Variants in MAP3K1 observed in about 807,000 individuals in gnomAD.
MAP3K1 encodes the protein mitogen-activated protein kinase kinase kinase 1, also known as MAP/ERK kinase kinase 1.
MAP3K1 carries 36 observed loss-of-function variants against 144.2 expected under a neutral mutation model. The observed-to-expected ratio is 0.25, with a 90% CI of 0.19 to 0.33. The LOEUF (loss-of-function observed/expected upper bound fraction) is 0.33, where lower values mean the gene tolerates loss of function less well. Among genes scored for constraint, MAP3K1 ranks in the 10% least tolerant of loss-of-function variants. The pLI is 1.00. For synonymous variants in MAP3K1, 718 were observed against 688.7 expected (o/e 1.04, Z -0.67); for missense variants, 1,650 against 1,881.9 (o/e 0.88, Z 2.28).
intron 10 of MAP3K1, among the ~76,000 whole-genome samples, chr5:56,878,413 C>T (rs943549698): frequency 1.2e-4 from 19 of 152,048 alleles, no homozygotes; most frequent in Admixed American, 1.1e-3. Context: ...AACAAACCTG[C>T]ACGTTCTGCA....
At chr5:56,848,933 CTTT>C (rs1747080968) in intron 1 of MAP3K1, among the ~76,000 whole-genome samples, 1 of 152,178 alleles carries the variant, frequency 6.6e-6, no homozygotes, top group Non-Finnish European at 1.5e-5. Flanking sequence ...AGAACATGAG[CTTT>C]TTGAGGGTGA....
At chr5:56,822,894 C>T (rs944609596) in intron 1 of MAP3K1, among the ~76,000 whole-genome samples, 4 of 152,192 alleles carry the variant, frequency 2.6e-5, no homozygotes, top group Non-Finnish European at 5.9e-5. Flanking sequence ...CCTCTCACCT[C>T]GTCAGATTCA....
At chr5:56,866,153 C>T (rs1747665138) in intron 6 of MAP3K1, among the ~76,000 whole-genome samples, 176 bp downstream of exon 6, 1 of 152,162 alleles carries the variant, frequency 6.6e-6, no homozygotes, top group South Asian at 2.1e-4. Flanking sequence ...TGGCTCGTGC[C>T]TGTAATCCCA....
intron 2 of MAP3K1, among the ~76,000 whole-genome samples, chr5:56,858,072 A>G (rs73135064): frequency 9.8e-5 from 15 of 152,338 alleles, no homozygotes; most frequent in African/African-American, 3.6e-4. Flanking sequence ...TGAAGAAATT[A>G]AGGATTTATC....
chr5:56,866,057 A>T, intron 6 of MAP3K1, 80 bp downstream of exon 6: 4 of 1,119,004 alleles, frequency 3.6e-6, no homozygotes, highest in Non-Finnish European at 5.4e-6. Flanking sequence ...TCTACTTGTT[A>T]AGTTGCTCTA....
intron 1 of MAP3K1, among the ~76,000 whole-genome samples, chr5:56,845,050 C>G (rs183950272): frequency 1.4e-4 from 21 of 152,310 alleles, no homozygotes; most frequent in Admixed American, 5.2e-4. Flanking sequence ...CCCTCTTCTC[C>G]TTTAATCTCA....
At chr5:56,876,687 A>T (rs1748043946) in intron 10 of MAP3K1, among the ~76,000 whole-genome samples, 1 of 152,330 alleles carries the variant, frequency 6.6e-6, no homozygotes, top group Admixed American at 6.5e-5. Context: ...AAGGTTACTT[A>T]ACCTCTCTTA....
intron 2 of MAP3K1, among the ~76,000 whole-genome samples, chr5:56,858,472 G>T (rs1315516857): frequency 6.6e-6 from 1 of 152,186 alleles, no homozygotes; most frequent in Non-Finnish European, 1.5e-5. Flanking sequence ...TAGTCCTTAA[G>T]CTTAATTATG....
At chr5:56,843,807 T>C (rs1746892419) in intron 1 of MAP3K1, among the ~76,000 whole-genome samples, 1 of 152,238 alleles carries the variant, frequency 6.6e-6, no homozygotes, top group South Asian at 2.1e-4. Context: ...ACAGACATGC[T>C]AAATTTTGTG....
At chr5:56,859,979 A>C (rs1747457979) in intron 3 of MAP3K1, 64 bp downstream of exon 3, 1 of 1,333,910 alleles carries the variant, frequency 7.5e-7, no homozygotes, top group South Asian at 1.3e-5. Context: ...ATAACAAAGA[A>C]AAGACTGGCC....
chr5:56,893,998 A>C lies in MAP3K1; in HGVS notation c.*318A>C, dbSNP rs1319084961. The C allele has an allele frequency of 4.7e-6, 2 of 424,044 alleles. No individual in the cohort carries two copies. Among genetic ancestry groups the C allele is most frequent in the Non-Finnish European group, 8.8e-6 (2 of 228,434 alleles). The allele number at this position is 424,044 out of a possible 1,614,324, so 26.3% of individuals were successfully genotyped here. A position where few individuals can be genotyped will look rare whatever the true frequency, so the allele number is the denominator to read the frequency against. The stretch of plus-strand genomic sequence containing the variant: ...TATTTTTTTGGAGCACTTTTTCAGC[A>C]ATATTAGCGGCTGAGGGGCTCAGGA... On this transcript the variant is annotated 3_prime_UTR_variant, in exon 20 of 20. Coordinates refer to ENST00000399503, the MANE Select transcript of MAP3K1 (RefSeq NM_005921.2).
chr5:56,891,340 A>G (rs1748546222), intron 19 of MAP3K1, among the ~76,000 whole-genome samples: 1 of 152,156 alleles, frequency 6.6e-6, no homozygotes, highest in Admixed American at 6.5e-5. Context: ...TGCATTTTTT[A>G]ACCCAAAGCA....
At chr5:56,887,868 T>G in intron 18 of MAP3K1, 1 of 433,970 alleles carries the variant, frequency 2.3e-6, no homozygotes, top group Non-Finnish European at 4.2e-6. Context: ...CAGAGGCAGC[T>G]CCTGTCTGTA....
intron 9 of MAP3K1, among the ~76,000 whole-genome samples, chr5:56,874,375 C>T (rs975447126): frequency 7.2e-5 from 11 of 152,262 alleles, no homozygotes; most frequent in Admixed American, 2.6e-4. Context: ...GTATTGACGA[C>T]GATAACAGCA....
intron 1 of MAP3K1, among the ~76,000 whole-genome samples, chr5:56,824,320 C>T (rs1170356482): frequency 1.3e-5 from 2 of 152,368 alleles, no homozygotes; most frequent in African/African-American, 2.4e-5. Context: ...TTTGATTTTA[C>T]ACTTAGTAGA....
chr5:56,866,322 C>T (rs564857875), intron 6 of MAP3K1, among the ~76,000 whole-genome samples: 3 of 152,156 alleles, frequency 2.0e-5, no homozygotes, highest in Non-Finnish European at 2.9e-5. Context: ...GCAGGAGGAT[C>T]GCTTGAACCC....
chr5:56,856,891 G>A (rs1222741451), intron 2 of MAP3K1, 141 bp downstream of exon 2: 1 of 904,924 alleles, frequency 1.1e-6, no homozygotes, highest in African/African-American at 1.7e-5. Flanking sequence ...TGGTCATTTG[G>A]AAGAAACCAT....
intron 1 of MAP3K1, among the ~76,000 whole-genome samples, chr5:56,823,301 C>T (rs1225528706): frequency 2.0e-5 from 3 of 152,136 alleles, no homozygotes; most frequent in South Asian, 2.1e-4. Flanking sequence ...TCACTGCCTT[C>T]TTCTATAGGG....
At chr5:56,840,888 T>A (rs903630477) in intron 1 of MAP3K1, among the ~76,000 whole-genome samples, 3 of 151,366 alleles carry the variant, frequency 2.0e-5, no homozygotes, top group South Asian at 2.1e-4. Flanking sequence ...TTTTTTTTTT[T>A]AAAGATGGAG....
Sources: gnomAD v4.1 joint callset for allele counts (sites outside exome capture counted in the v4.1 genomes callset) on GRCh38, gnomAD v4.1.1 for gene constraint, MANE v1.5 for transcripts, NCBI Gene and HGNC (gene_info 2026-07-23, HGNC 2026-07-21) for gene names.